Variants in YJU2B observed in about 807,000 individuals in gnomAD.
YJU2B encodes probable splicing factor YJU2B.
Under a neutral mutation model 38.0 loss-of-function variants are expected in YJU2B, and 18 were observed. That is an observed-to-expected ratio of 0.47 (90% confidence interval 0.33 to 0.70). YJU2B has a LOEUF of 0.70. YJU2B is among the 30% of genes least tolerant of loss of function. The probability of loss-of-function intolerance (pLI) is 0.02; values close to 1 mark genes in which losing one functional copy is unlikely to be tolerated. For missense variants in YJU2B, 538 were observed against 556.3 expected, an observed-to-expected ratio of 0.97 and a Z score of 0.33; for synonymous variants, 246 against 225.4, an observed-to-expected ratio of 1.09 and a Z score of -0.82.
chr19:13,757,923 CG>C, intron 6 of YJU2B, 77 bp downstream of exon 6: 2 of 1,280,124 alleles, frequency 1.6e-6, no homozygotes, highest in South Asian at 1.2e-5. Flanking sequence ...GCCTGAGTTG[CG>C]GGGGGAACCC....
At chr19:13,747,314 A>G (rs914026688), upstream of YJU2B, among the ~76,000 whole-genome samples, 1 of 152,184 alleles carries the variant, frequency 6.6e-6, no homozygotes, top group Non-Finnish European at 1.5e-5. Flanking sequence ...TTTTATTTTC[A>G]TAAGTCGTAA....
rs544265466 is a variant in YJU2B, at chr19:13,738,295, AT to A, written c.-202+6011del. Among the ~76,000 whole-genome samples, 11 of 152,342 alleles carry A rather than the reference AT, an allele frequency of 7.2e-5. No homozygotes were observed. In the South Asian group the frequency reaches 2.3e-3, roughly 32 times the overall value. ...AAAGTCAGGTGGAATGACATCATCC[AT>A]CATTATGGCATCATCACAGCTCTTA... On this transcript the variant is annotated intron_variant, in intron 2 of 10. Coordinates refer to the YJU2B transcript ENST00000586600.
At chr19:13,741,579 A>T (rs1424265318) in intron 2 of YJU2B, among the ~76,000 whole-genome samples, 26 of 22,390 alleles carry the variant, frequency 1.2e-3, no homozygotes, top group African/African-American at 5.6e-3. Flanking sequence ...CTACAAATTA[A>T]AAAAAAAAAA....
rs114901324 is a variant in YJU2B, at chr19:13,751,633, A to G, written c.-176A>G. 1.4e-3 allele frequency: 887 copies of G among 637,404 alleles called. 3 individuals are homozygous for G. In the African/African-American group the frequency reaches 0.015, roughly 11 times the overall value. The allele number at this position is 637,404 out of a possible 1,614,324, so 39.5% of individuals were successfully genotyped here. A position where few individuals can be genotyped will look rare whatever the true frequency, so the allele number is the denominator to read the frequency against. ...ACACGCCGCTTTTTGGATGCCTCCT[A>G]TGCCTGGCGGGAGTCTTGTCTGAGC... On this transcript the variant is annotated 5_prime_UTR_variant, in exon 2 of 10. It removes an upstream start codon present in the reference 5' UTR. Transcript: ENST00000221554.
chr19:13,757,954 G>A, intron 6 of YJU2B, 108 bp downstream of exon 6: 1 of 947,636 alleles, frequency 1.1e-6, no homozygotes, highest in Non-Finnish European at 1.7e-6. Flanking sequence ...AGGACTCCTG[G>A]AAATCGCCCT....
At chr19:13,752,796 C>T (rs1390980495) in intron 2 of YJU2B, among the ~76,000 whole-genome samples, 1 of 151,982 alleles carries the variant, frequency 6.6e-6, no homozygotes, top group African/African-American at 2.4e-5. Context: ...TCCTGTAGTC[C>T]CTGCTACTCA....
chr19:13,742,279 C>T (rs1973113271), intron 2 of YJU2B, among the ~76,000 whole-genome samples: 1 of 148,386 alleles, frequency 6.7e-6, no homozygotes, highest in Non-Finnish European at 1.5e-5. Flanking sequence ...CCATCTGGTC[C>T]TTCTTTGAGT....
At chr19:13,749,350 G>C (rs2145123019) in intron 1 of YJU2B, among the ~76,000 whole-genome samples, 1 of 152,254 alleles carries the variant, frequency 6.6e-6, no homozygotes, top group Non-Finnish European at 1.5e-5. Context: ...AAAATCAAAA[G>C]AATAATACTT....
chr19:13,752,435 C>A (rs193035303), intron 2 of YJU2B, among the ~76,000 whole-genome samples: 1 of 152,136 alleles, frequency 6.6e-6, no homozygotes, highest in East Asian at 2.0e-4. Flanking sequence ...TGGCGAAACC[C>A]TGTCTCTACT....
chr19:13,747,352 A>T (rs932920117), upstream of YJU2B, among the ~76,000 whole-genome samples: 9 of 152,330 alleles, frequency 5.9e-5, no homozygotes, highest in Admixed American at 3.3e-4. Context: ...CTAACTATTT[A>T]AAAATGCAAA....
At chr19:13,743,147 G>GTTTTTTTTTTTTTTTTTTTTTTTTTTTT (rs1568279357), upstream of YJU2B, among the ~76,000 whole-genome samples, 1 of 152,062 alleles carries the variant, frequency 6.6e-6, no homozygotes, top group African/African-American at 2.4e-5. Context: ...TGCAGGTGGG[G>GTTTTTTTTTTTTTTTTTTTTTTTTTTTT]GTTTTTTAAG....
At chr19:13,761,169 G>A (rs542478378) in intron 8 of YJU2B, among the ~76,000 whole-genome samples, 1 of 151,664 alleles carries the variant, frequency 6.6e-6, no homozygotes, top group Non-Finnish European at 1.5e-5. Flanking sequence ...CACGAGGTCA[G>A]GAGATCGAGA....
chr19:13,759,325 C>T (rs775557820), intron 8 of YJU2B, 53 bp downstream of exon 8: 10 of 1,447,534 alleles, frequency 6.9e-6, no homozygotes, highest in South Asian at 2.6e-5. Flanking sequence ...GACCAAGGCC[C>T]GGGTCCAGCC....
At chr19:13,744,782 A>T (rs1973185695), upstream of YJU2B, among the ~76,000 whole-genome samples, 1 of 152,122 alleles carries the variant, frequency 6.6e-6, no homozygotes, top group South Asian at 2.1e-4. Flanking sequence ...TCACGAGGTC[A>T]GGAGATGGAG....
At chr19:13,753,751 AG>A (rs367919956) in intron 2 of YJU2B, among the ~76,000 whole-genome samples, 148 of 152,256 alleles carry the variant, frequency 9.7e-4, no homozygotes, top group African/African-American at 3.4e-3. Context: ...AATGAGCAAG[AG>A]GAAAAGCTCC....
chr19:13,749,002 T>G (rs1973354355), intron 1 of YJU2B, among the ~76,000 whole-genome samples: 1 of 152,112 alleles, frequency 6.6e-6, no homozygotes, highest in Non-Finnish European at 1.5e-5. Flanking sequence ...TCCATCAGCT[T>G]CTTTCTTTCT....
Position 13,758,564 on chromosome 19 carries a change from G to A in YJU2B, c.258-304G>A, listed in dbSNP as rs557842872. ...TGAATCAGTGAACCAACAAACAAATGCACTAATGAATGAACAAATGAATTA... is the reference window on the plus strand; with the variant it reads ...TGAATCAGTGAACCAACAAACAAATACACTAATGAATGAACAAATGAATTA... On this transcript the variant is annotated intron_variant, in intron 6 of 9. Coordinates refer to ENST00000221554, the MANE Select transcript of YJU2B (RefSeq NM_030818.4). Among the ~76,000 whole-genome samples the A allele has an allele frequency of 4.7e-4, 71 of 150,142 alleles. 1 individual carries two copies. Among genetic ancestry groups the A allele is most frequent in the African/African-American group, 1.8e-3 (69 of 39,404 alleles).
At chr19:13,753,332 G>A (rs2145139029) in intron 2 of YJU2B, among the ~76,000 whole-genome samples, 1 of 152,270 alleles carries the variant, frequency 6.6e-6, no homozygotes, top group Non-Finnish European at 1.5e-5. Flanking sequence ...CCAGCACTTT[G>A]GGAGGTCGAG....
chr19:13,753,619 A>G (rs1973555801), intron 2 of YJU2B, among the ~76,000 whole-genome samples: 1 of 151,466 alleles, frequency 6.6e-6, no homozygotes, highest in African/African-American at 2.4e-5. Flanking sequence ...AGCCTGGGTA[A>G]TTTATAAAGG....
Sources: allele counts gnomAD v4.1 joint callset (sites outside exome capture counted in the v4.1 genomes callset), GRCh38; gene constraint gnomAD v4.1.1; transcripts MANE v1.5; gene names NCBI Gene and HGNC (gene_info 2026-07-23, HGNC 2026-07-21).